AK8: variants seen among roughly 807,000 people sequenced by gnomAD.
The protein encoded by AK8 is adenylate kinase 8, also known as ATP-AMP transphosphorylase 8.
AK8 carries 44 observed loss-of-function variants against 54.6 expected under a neutral mutation model. The ratio of observed to expected loss-of-function variants is 0.81; its 90% CI spans 0.63 to 1.04. The LOEUF (loss-of-function observed/expected upper bound fraction) is 1.04, where lower values mean the gene tolerates loss of function less well. Among genes scored for constraint, AK8 ranks in the 50% least tolerant of loss-of-function variants. The probability of loss-of-function intolerance (pLI) is 0.00; values close to 1 mark genes in which losing one functional copy is unlikely to be tolerated. For synonymous variants in AK8, 239 were observed against 245.6 expected, an observed-to-expected ratio of 0.97 and a Z score of 0.25; for missense variants, 555 against 613.6, an observed-to-expected ratio of 0.90 and a Z score of 1.01.
intron 10 of AK8, among the ~76,000 whole-genome samples, chr9:132,813,958 CA>C (rs1256042476): frequency 1.3e-5 from 2 of 152,110 alleles, no homozygotes; most frequent in East Asian, 3.9e-4. Context: ...AATATTTGCC[CA>C]CAGTATTTTT....
In AK8 at chr9:132,737,064, T is replaced by G. The variant is rs73659466; in HGVS notation, c.1122-9530A>C. Among the ~76,000 whole-genome samples, 969 of 152,222 alleles carry G rather than the reference T, an allele frequency of 6.4e-3. 13 individuals carry two copies. Among genetic ancestry groups the G allele is most frequent in the African/African-American group, 0.022 (911 of 41,538 alleles). ...TCTGGAGATGAGCGGTGGTGATGTT[T>G]GTACAACAATGTGAAGGTACTTAAT... On this transcript the variant is annotated intron_variant, in intron 11 of 12. Transcript: ENST00000298545.
chr9:132,785,584 T>A (rs1371279636), intron 11 of AK8, among the ~76,000 whole-genome samples: 1 of 151,162 alleles, frequency 6.6e-6, no homozygotes, highest in African/African-American at 2.4e-5. Context: ...TCAAAACACA[T>A]CCCATAAAGA....
At chr9:132,831,584 C>T (rs1039863732) in intron 5 of AK8, among the ~76,000 whole-genome samples, 1 of 152,180 alleles carries the variant, frequency 6.6e-6, no homozygotes, top group Non-Finnish European at 1.5e-5. Context: ...GGAGTCAACG[C>T]TGGGAGCCCC....
At chr9:132,740,918 G>A (rs567664834) in intron 11 of AK8, among the ~76,000 whole-genome samples, 31 of 152,310 alleles carry the variant, frequency 2.0e-4, no homozygotes, top group African/African-American at 7.5e-4. Context: ...CTTCTTTGAG[G>A]TGGCATCTGG....
intron 5 of AK8, among the ~76,000 whole-genome samples, chr9:132,840,103 C>T (rs1358904080): frequency 6.6e-6 from 1 of 152,162 alleles, no homozygotes; most frequent in Admixed American, 6.5e-5. Flanking sequence ...CAGGTGTGAG[C>T]CACTGCGCCC....
At chr9:132,730,956 C>T (rs577469285) in intron 11 of AK8, among the ~76,000 whole-genome samples, 27 of 152,324 alleles carry the variant, frequency 1.8e-4, no homozygotes, top group Admixed American at 7.2e-4. Flanking sequence ...GGCTTGTAGA[C>T]GCCTTTTCAT....
chr9:132,818,424 T>C (rs766834563), intron 9 of AK8, among the ~76,000 whole-genome samples: 1 of 152,176 alleles, frequency 6.6e-6, no homozygotes, highest in Non-Finnish European at 1.5e-5. Flanking sequence ...GTATGTCAAC[T>C]GTAAAGAAGT....
chr9:132,838,706 C>T (rs190907192), intron 5 of AK8, among the ~76,000 whole-genome samples: 46 of 152,266 alleles, frequency 3.0e-4, no homozygotes, highest in African/African-American at 8.2e-4. Context: ...TCCTGTGCTA[C>T]GGCCTCATCC....
intron 11 of AK8, among the ~76,000 whole-genome samples, chr9:132,752,705 T>A (rs1837994375): frequency 9.9e-6 from 1 of 101,342 alleles, no homozygotes; most frequent in South Asian, 2.4e-4. Context: ...GCCCAGGACA[T>A]GGACGCTGGC....
chr9:132,750,271 A>G (rs1461241128), intron 11 of AK8, among the ~76,000 whole-genome samples: 2 of 151,912 alleles, frequency 1.3e-5, no homozygotes, highest in Admixed American at 6.6e-5. Flanking sequence ...GGCATGTGCC[A>G]CCACACCCGG....
intron 11 of AK8, among the ~76,000 whole-genome samples, chr9:132,752,251 CTT>C (rs753096887): frequency 1.1e-4 from 15 of 133,950 alleles, no homozygotes; most frequent in Non-Finnish European, 9.7e-5. Flanking sequence ...CATTTTCTAA[CTT>C]TTTTTTTTTT....
chr9:132,757,859 G>A (rs1237490655), intron 11 of AK8, among the ~76,000 whole-genome samples: 1 of 152,092 alleles, frequency 6.6e-6, no homozygotes, highest in African/African-American at 2.4e-5. Context: ...TCCTAAGGGA[G>A]GGAAAAAAAA....
chr9:132,726,732 A>G lies in AK8; in HGVS notation c.1202+722T>C, dbSNP rs78235789. 2.0e-3 allele frequency among the ~76,000 whole-genome samples: 297 copies of G among 152,208 alleles called. 1 individual carries two copies. The highest frequency in any genetic ancestry group is 6.8e-3 in the African/African-American group (283 of 41,532). ...GACATTACAGCAACTGTGGAGATGG[A>G]AGGAAGTACTACAGCCGTTCACTGT... is the stretch of plus-strand genomic sequence containing the variant. On this transcript the variant is annotated intron_variant, in intron 12 of 12. Transcript: ENST00000298545.
chr9:132,757,708 T>C (rs1052707095), intron 11 of AK8, among the ~76,000 whole-genome samples: 8 of 152,214 alleles, frequency 5.3e-5, no homozygotes, highest in Non-Finnish European at 8.8e-5. Context: ...TTCCCTCTTG[T>C]GGCCAGCCCC....
intron 11 of AK8, among the ~76,000 whole-genome samples, chr9:132,730,612 T>G (rs1307252143): frequency 6.6e-6 from 1 of 152,076 alleles, no homozygotes; most frequent in Non-Finnish European, 1.5e-5. Context: ...TGCCCAGAAC[T>G]GCTCAGTCAG....
chr9:132,783,430 G>C (rs1839563864), intron 11 of AK8, among the ~76,000 whole-genome samples: 1 of 152,084 alleles, frequency 6.6e-6, no homozygotes, highest in Non-Finnish European at 1.5e-5. Flanking sequence ...ATTTATGATG[G>C]CAATATAGGT....
chr9:132,847,109 G>T (rs1269635560), intron 5 of AK8, among the ~76,000 whole-genome samples: 1 of 152,230 alleles, frequency 6.6e-6, no homozygotes, highest in African/African-American at 2.4e-5. Context: ...CTGCACTAAG[G>T]CAGCTGGTTG....
At chr9:132,776,018 C>G (rs948507613) in intron 11 of AK8, among the ~76,000 whole-genome samples, 5 of 152,190 alleles carry the variant, frequency 3.3e-5, no homozygotes, top group Admixed American at 2.0e-4. Flanking sequence ...AGTTTTAACC[C>G]GAGAAAGCAG....
intron 11 of AK8, among the ~76,000 whole-genome samples, chr9:132,750,270 C>T (rs1179708539): frequency 9.2e-5 from 14 of 151,964 alleles, no homozygotes; most frequent in Non-Finnish European, 1.8e-4. Flanking sequence ...AGGCATGTGC[C>T]ACCACACCCG....
Sources: gnomAD v4.1 joint callset for allele counts (sites outside exome capture counted in the v4.1 genomes callset) on GRCh38, gnomAD v4.1.1 for gene constraint, MANE v1.5 for transcripts, NCBI Gene and HGNC (gene_info 2026-07-23, HGNC 2026-07-21) for gene names.